TNFSF13B: variants seen among roughly 807,000 people sequenced by gnomAD.
The protein encoded by TNFSF13B is tumor necrosis factor ligand superfamily member 13B.
TNFSF13B carries 8 observed loss-of-function variants against 29.1 expected under a neutral mutation model. The observed-to-expected ratio is 0.27, with a 90% CI of 0.16 to 0.50. TNFSF13B has a LOEUF of 0.50. TNFSF13B is among the 20% of genes least tolerant of loss of function. TNFSF13B has a pLI of 0.98. For synonymous variants in TNFSF13B, 125 were observed against 130.8 expected (o/e 0.96, Z 0.30); for missense variants, 248 against 334.9 (o/e 0.74, Z 2.03).
intron 3 of TNFSF13B, among the ~76,000 whole-genome samples, chr13:108,301,661 G>T (rs752681375): frequency 3.4e-4 from 52 of 152,140 alleles, no homozygotes; most frequent in Non-Finnish European, 6.9e-4. Context: ...GAGGTGAAAA[G>T]ACGTTGGTCA....
At chr13:108,290,547 T>G (rs1352028901) in intron 3 of TNFSF13B, among the ~76,000 whole-genome samples, 3 of 152,194 alleles carry the variant, frequency 2.0e-5, no homozygotes, top group African/African-American at 7.2e-5. Context: ...CATTTGTATT[T>G]CTGTCTTTAC....
chr13:108,270,381 G>T lies in TNFSF13B; in HGVS notation c.381G>T (p.Gln127His). Reference sequence around the variant, plus strand: ...CTCCAGGAGAAGGCAACTCCAGTCAGAACAGCAGAAATAAGCGTGCCGTTC... The same window carrying T: ...CTCCAGGAGAAGGCAACTCCAGTCATAACAGCAGAAATAAGCGTGCCGTTC... ...PPAPGEGNSS[Q>H]NSRNKRAVQG... The change falls in exon 2 of 6, where the codon CAG becomes CAT. Residue 127 changes from glutamine (Q) to histidine (H), a missense_variant. By Grantham distance (24) the Gln-to-His change is conservative. Transcript: ENST00000375887. 6.2e-7 allele frequency: 1 copy of T among 1,614,134 alleles called. No individual in the cohort carries two copies. Among genetic ancestry groups the T allele is most frequent in the South Asian group, 1.1e-5 (1 of 91,090 alleles).
In TNFSF13B at chr13:108,308,296, G is replaced by A. The variant is rs1400701196; in HGVS notation, c.*1358G>A. 6.6e-6 allele frequency: 1 copy of A among 151,734 alleles called. No homozygotes were observed. Among genetic ancestry groups the A allele is most frequent in the Non-Finnish European group, 1.5e-5 (1 of 67,910 alleles). The allele number at this position is 151,734 out of a possible 1,614,324, so 9.4% of individuals were successfully genotyped here. On this transcript the variant is annotated 3_prime_UTR_variant, in exon 6 of 6. Coordinates refer to ENST00000375887, the MANE Select transcript of TNFSF13B (RefSeq NM_006573.5). ...GATTTAAACTTTATTTAAATATCTGGTTCCTATGATTTTGACTTCAGTAAG... is the reference window on the plus strand; with the variant it reads ...GATTTAAACTTTATTTAAATATCTGATTCCTATGATTTTGACTTCAGTAAG...
At chr13:108,279,716 A>G (rs1403018469) in intron 2 of TNFSF13B, among the ~76,000 whole-genome samples, 1 of 152,202 alleles carries the variant, frequency 6.6e-6, no homozygotes, top group Non-Finnish European at 1.5e-5. Flanking sequence ...GGAATTGTGA[A>G]AAAGAGGCAC....
At position 108,294,856 on chromosome 13, in the gene TNFSF13B, G is replaced by T. The variant is rs1160552297; in HGVS notation, c.481+7997G>T. Reference sequence around the variant, plus strand: ...AACCATCTAGTTATGAATTTTGAGGGAAGACTTGGATTAATTAAAACTCTA... The same window carrying T: ...AACCATCTAGTTATGAATTTTGAGGTAAGACTTGGATTAATTAAAACTCTA... On this transcript the variant is annotated intron_variant, in intron 3 of 5. Coordinates refer to ENST00000375887, the MANE Select transcript of TNFSF13B (RefSeq NM_006573.5). Among the ~76,000 whole-genome samples, 17 of 145,076 alleles carry T rather than the reference G, an allele frequency of 1.2e-4. 2 individuals are homozygous for T. The highest frequency in any genetic ancestry group is 8.8e-4 in the Admixed American group (13 of 14,698).
intron 2 of TNFSF13B, among the ~76,000 whole-genome samples, chr13:108,284,157 G>A (rs1381906972): frequency 6.6e-6 from 1 of 152,014 alleles, no homozygotes; most frequent in African/African-American, 2.4e-5. Context: ...ATGAAAGCCC[G>A]TCTCTATTAA....
chr13:108,298,175 T>C (rs1881507491), intron 3 of TNFSF13B, among the ~76,000 whole-genome samples: 3 of 145,330 alleles, frequency 2.1e-5, no homozygotes, highest in Admixed American at 6.8e-5. Context: ...ATCACTCTGG[T>C]GGGGGATTTT....
chr13:108,303,646 A>G (rs749820926), intron 5 of TNFSF13B, 42 bp downstream of exon 5: 4 of 1,565,800 alleles, frequency 2.6e-6, no homozygotes, highest in South Asian at 2.4e-5. Flanking sequence ...TGAAATGAAG[A>G]GACTTTGACG....
intron 3 of TNFSF13B, among the ~76,000 whole-genome samples, chr13:108,301,686 T>G (rs763260393): frequency 1.9e-4 from 29 of 152,176 alleles, no homozygotes; most frequent in South Asian, 6.2e-4. Context: ...TTACGAAATT[T>G]CAGTTAGACT....
At chr13:108,293,786 T>G (rs544936774) in intron 3 of TNFSF13B, among the ~76,000 whole-genome samples, 1 of 152,170 alleles carries the variant, frequency 6.6e-6, no homozygotes, top group African/African-American at 2.4e-5. Flanking sequence ...AATTCAAGAT[T>G]AAGGTGCCAA....
At chr13:108,299,494 TG>T (rs1255021962) in intron 3 of TNFSF13B, among the ~76,000 whole-genome samples, 1 of 152,132 alleles carries the variant, frequency 6.6e-6, no homozygotes, top group Non-Finnish European at 1.5e-5. Context: ...CTTTTTTTTT[TG>T]TTTGCCTAGA....
chr13:108,278,961 T>C (rs1232174400), intron 2 of TNFSF13B, among the ~76,000 whole-genome samples: 4 of 152,174 alleles, frequency 2.6e-5, no homozygotes, highest in African/African-American at 9.7e-5. Context: ...GATTCAAAAA[T>C]GTATTATTAA....
Position 108,303,620 on chromosome 13 carries a change from C to T in TNFSF13B, c.745+16C>T. 6.2e-7 allele frequency: 1 copy of T among 1,602,110 alleles called. No individual in the cohort carries two copies. The highest frequency in any genetic ancestry group is 1.1e-5 in the South Asian group (1 of 88,534). ...TATTCAGCTGGTAAATATTAGTTCT[C>T]ACACCCTGCTAATTGTGAAATGAAG... On this transcript the variant is annotated intron_variant, in intron 5 of 5. Transcript: ENST00000375887.
At chr13:108,287,536 A>G (rs1472371594) in intron 3 of TNFSF13B, among the ~76,000 whole-genome samples, 1 of 152,146 alleles carries the variant, frequency 6.6e-6, no homozygotes, top group Non-Finnish European at 1.5e-5. Flanking sequence ...AAATAATTAA[A>G]CTACAATAAA....
In TNFSF13B at chr13:108,273,476, T is replaced by C. The variant is rs995863067; in HGVS notation, c.424+3052T>C. On this transcript the variant is annotated intron_variant, in intron 2 of 5. Transcript: ENST00000375887. ...AACAGACTGTACATAGCGCCCTTTG[T>C]AGTCTAGAGAAATGGAAACAAACAT... Among the ~76,000 whole-genome samples the C allele has an allele frequency of 2.0e-5, 3 of 152,186 alleles. No homozygotes were observed. In the East Asian group the frequency reaches 5.8e-4, roughly 29 times the overall value.
intron 2 of TNFSF13B, among the ~76,000 whole-genome samples, chr13:108,284,347 TAAATAAATGAATAAATAAACAAAC>T (rs1336902638): frequency 5.2e-5 from 7 of 133,348 alleles, no homozygotes; most frequent in Non-Finnish European, 8.2e-5. Flanking sequence ...AATAAATAAA[TAAATAAATGAATAAATAAACAAAC>T]AAACAAACAA....
intron 2 of TNFSF13B, among the ~76,000 whole-genome samples, chr13:108,284,144 A>G (rs1280592418): frequency 6.6e-6 from 1 of 152,116 alleles, no homozygotes; most frequent in Non-Finnish European, 1.5e-5. Context: ...CCTGGCTAAC[A>G]CGATGAAAGC....
At chr13:108,303,668 C>G in intron 5 of TNFSF13B, 64 bp downstream of exon 5, 1 of 1,509,206 alleles carries the variant, frequency 6.6e-7, no homozygotes, top group Non-Finnish European at 8.9e-7. Context: ...AAAATCTGAG[C>G]TGCAAAATGC....
In TNFSF13B at chr13:108,303,487, C is replaced by T; in HGVS notation, c.628C>T (p.His210Tyr). 1.2e-5 allele frequency: 20 copies of T among 1,613,532 alleles called. No homozygotes were observed. Among genetic ancestry groups the T allele is most frequent in the Non-Finnish European group, 1.7e-5 (20 of 1,179,764 alleles). ...LYTDKTYAMGHLIQRKKVHVF... is the reference protein window; with the variant it reads ...LYTDKTYAMGYLIQRKKVHVF... ...TACTGATAAGACCTACGCCATGGGA[C>T]ATCTAATTCAGAGGAAGAAGGTCCA... The change falls in exon 5 of 6, where the codon CAT becomes TAT. Residue 210 changes from histidine (H) to tyrosine (Y), a missense_variant. Physicochemically the swap from His to Tyr is moderately conservative, Grantham distance 83. Transcript: ENST00000375887.
Sources: allele counts gnomAD v4.1 joint callset (sites outside exome capture counted in the v4.1 genomes callset), GRCh38; gene constraint gnomAD v4.1.1; transcripts MANE v1.5; gene names NCBI Gene and HGNC (gene_info 2026-07-23, HGNC 2026-07-21).